The following EMILIN2 variants were observed in gnomAD, a reference collection of about 807,000 sequenced individuals.
The protein encoded by EMILIN2 is elastin microfibril interfacer 2.
In EMILIN2, 71 loss-of-function variants were observed where a neutral mutation model predicts 87.1. The ratio of observed to expected loss-of-function variants is 0.82; its 90% CI spans 0.67 to 0.99. EMILIN2 has a LOEUF of 0.99. Among genes scored for constraint, EMILIN2 ranks in the 50% least tolerant of loss-of-function variants. EMILIN2 has a pLI of 0.00. For missense variants in EMILIN2, 1,407 were observed against 1,371.8 expected (o/e 1.03, Z -0.40); for synonymous variants, 581 against 563.4 (o/e 1.03, Z -0.44).
At chr18:2,908,861 G>C in intron 5 of EMILIN2, 82 bp from the exon 6 acceptor site, 1 of 1,531,194 alleles carries the variant, frequency 6.5e-7, no homozygotes, top group Non-Finnish European at 9.1e-7. Context: ...AACTTGTGAG[G>C]AGCAGAGGAA....
intron 2 of EMILIN2, among the ~76,000 whole-genome samples, chr18:2,874,077 T>TGGCCAAC (rs2076735659): frequency 6.6e-6 from 1 of 151,682 alleles, no homozygotes; most frequent in African/African-American, 2.4e-5. Context: ...TAAAAGTCCG[T>TGGCCAAC]TGGCCACCCT....
intron 2 of EMILIN2, among the ~76,000 whole-genome samples, chr18:2,871,768 G>A (rs10502308): frequency 0.069 from 10,424 of 152,160 alleles, 1,189 homozygotes; most frequent in African/African-American, 0.24. Flanking sequence ...CCTGATTGTC[G>A]GAAATTAACT....
chr18:2,854,573 G>T (rs971546594), intron 2 of EMILIN2, among the ~76,000 whole-genome samples: 1 of 152,100 alleles, frequency 6.6e-6, no homozygotes, highest in Non-Finnish European at 1.5e-5. Context: ...CAAGAGGATC[G>T]CTTGAACCCA....
At chr18:2,883,585 G>A (rs973356398) in intron 2 of EMILIN2, among the ~76,000 whole-genome samples, 8 of 152,230 alleles carry the variant, frequency 5.3e-5, no homozygotes, top group African/African-American at 1.9e-4. Flanking sequence ...AGCAGGGGCC[G>A]CTGCGGGGGC....
rs529617719 is a variant in EMILIN2, at chr18:2,895,992, A to G, written c.2359+3506A>G. Among the ~76,000 whole-genome samples, 18 of 152,324 alleles carry G rather than the reference A, an allele frequency of 1.2e-4. No homozygotes were observed. In the East Asian group the frequency reaches 2.7e-3, roughly 23 times the overall value. On this transcript the variant is annotated intron_variant, in intron 4 of 7. Transcript: ENST00000254528. ...CTACTCAGCCTGTTGCCCTCTTCAC[A>G]GATCCTGTTTCCTTTGGAAGCATCA...
At chr18:2,875,308 C>T (rs937125845) in intron 2 of EMILIN2, among the ~76,000 whole-genome samples, 6 of 152,192 alleles carry the variant, frequency 3.9e-5, no homozygotes, top group Admixed American at 1.3e-4. Context: ...GAGCACCACG[C>T]TCATGGCTCA....
rs1270765729 is a variant in EMILIN2, at chr18:2,848,608, A to G, written c.257+677A>G. Among the ~76,000 whole-genome samples the G allele has an allele frequency of 6.6e-6, 1 of 151,570 alleles. No homozygotes were observed. The highest frequency in any genetic ancestry group is 2.4e-5 in the African/African-American group (1 of 41,104). On this transcript the variant is annotated intron_variant, in intron 2 of 7. Coordinates refer to ENST00000254528, the MANE Select transcript of EMILIN2 (RefSeq NM_032048.3). This position sits in a 1 kb window ranked among gnomAD's most constrained non-coding sequence, Gnocchi z 4.1. ...TTCCCCATCTTAAAAAAAAAAAAAA[A>G]CAGGAAGCAATGCAATAAAGTACAA...
Position 2,890,622 on chromosome 18 carries a change from A to G in EMILIN2, c.495A>G (p.Gln165=). ...CTTTGTCCCCAACTGGTACAGCACA[A>G]CCAAGCTGGGGGGTAGATCCAAAAG... is the stretch of plus-strand genomic sequence containing the variant. ...RKTLSPTGTA[Q]PSWGVDPKEG... The change falls in exon 4 of 8, where the codon CAA becomes CAG. Residue 165 remains glutamine, a synonymous_variant. Coordinates refer to ENST00000254528, the MANE Select transcript of EMILIN2 (RefSeq NM_032048.3). This position sits in a 1 kb window ranked among gnomAD's most constrained non-coding sequence, Gnocchi z 4.7. The G allele has an allele frequency of 1.2e-6, 2 of 1,613,182 alleles. No individual in the cohort carries two copies. The highest frequency in any genetic ancestry group is 2.2e-5 in the South Asian group (2 of 91,052).
intron 4 of EMILIN2, among the ~76,000 whole-genome samples, chr18:2,893,323 TATC>T (rs1198159572): frequency 1.3e-5 from 2 of 152,132 alleles, no homozygotes; most frequent in Admixed American, 6.5e-5. Context: ...TCTGTGTCGT[TATC>T]ATCTTCAGGG....
At chr18:2,857,311 T>G (rs961293895) in intron 2 of EMILIN2, among the ~76,000 whole-genome samples, 5 of 152,086 alleles carry the variant, frequency 3.3e-5, no homozygotes. Flanking sequence ...CCTTTGTGAT[T>G]GCACAGGTTC....
rs760366311 is a variant in EMILIN2 at position 2,913,166 on chromosome 18, C to G, written c.2924C>G (p.Ala975Gly). The G allele has an allele frequency of 2.5e-6, 4 of 1,613,910 alleles. No individual in the cohort carries two copies. The highest frequency in any genetic ancestry group is 3.4e-6 in the Non-Finnish European group (4 of 1,180,024). The stretch of plus-strand genomic sequence containing the variant: ...GAAGCAGTGCTGTCGGTCTCCAACG[C>G]CAGCGTGGCCCAGCTGCATACCGCT... ...YVEAVLSVSN[A>G]SVAQLHTAGY... The change falls in exon 8 of 8, where the codon GCC becomes GGC. Residue 975 changes from alanine to glycine, a missense_variant. Ala to Gly is a moderately conservative substitution (Grantham distance 60, BLOSUM62 0). Transcript: ENST00000254528.
In EMILIN2 at chr18:2,874,539, G is replaced by A. The variant is rs536564142; in HGVS notation, c.258-10425G>A. On this transcript the variant is annotated intron_variant, in intron 2 of 7. Transcript: ENST00000254528. ...ATCCCTCCAGGCCTGGAGGTGGGTT[G>A]GGCTCTGGCACTTTTTTCCAGAAAC... Among the ~76,000 whole-genome samples the A allele has an allele frequency of 1.3e-5, 2 of 152,226 alleles. 1 individual carries two copies. Among genetic ancestry groups the A allele is most frequent in the South Asian group, 4.2e-4 (2 of 4,818 alleles).
intron 2 of EMILIN2, among the ~76,000 whole-genome samples, chr18:2,859,111 G>A (rs1233029771): frequency 6.6e-6 from 1 of 152,152 alleles, no homozygotes; most frequent in Non-Finnish European, 1.5e-5. Flanking sequence ...TCAAATGGTA[G>A]TTCTACTTTT....
intron 2 of EMILIN2, among the ~76,000 whole-genome samples, chr18:2,879,398 C>T (rs1271877166): frequency 6.6e-6 from 1 of 152,202 alleles, no homozygotes; most frequent in Non-Finnish European, 1.5e-5. Context: ...GTAGCTCATG[C>T]TTGTAATCCC....
rs2076948394 is a variant in EMILIN2, at chr18:2,912,991, C to G, written c.2825-76C>G. On this transcript the variant is annotated intron_variant, in intron 7 of 7. Transcript: ENST00000254528. ...TGGTCTCCCAGGCCCAGGTTAATCA[C>G]TGGGGGGCCACTTACTACCATGGCA... is the stretch of plus-strand genomic sequence containing the variant. The G allele has an allele frequency of 6.0e-6, 9 of 1,495,770 alleles. No individual in the cohort carries two copies. The South Asian group carries it at 8.1e-5, about 13-fold the overall frequency. 92.7% of individuals were successfully genotyped at this position (1,495,770 alleles called of 1,614,324 possible). A position where few individuals can be genotyped will look rare whatever the true frequency, so the allele number is the denominator to read the frequency against.
intron 2 of EMILIN2, among the ~76,000 whole-genome samples, chr18:2,877,172 T>C (rs534024211): frequency 8.1e-4 from 124 of 152,322 alleles, no homozygotes; most frequent in African/African-American, 2.9e-3. Context: ...CATGCAGAGA[T>C]TGGCTTTATA....
At chr18:2,897,603 T>A (rs1168244892) in intron 4 of EMILIN2, among the ~76,000 whole-genome samples, 1 of 152,180 alleles carries the variant, frequency 6.6e-6, no homozygotes, top group Non-Finnish European at 1.5e-5. Flanking sequence ...CGGTGGCTCA[T>A]GCCTGTAATC....
intron 4 of EMILIN2, among the ~76,000 whole-genome samples, chr18:2,892,923 G>A (rs1002529103): frequency 7.3e-5 from 11 of 150,736 alleles, no homozygotes; most frequent in African/African-American, 2.2e-4. Context: ...GTGGTGGCAC[G>A]CGCCTGTAGT....
At chr18:2,858,559 A>ATGTGTGTGTG (rs2076641616) in intron 2 of EMILIN2, among the ~76,000 whole-genome samples, 1 of 67,160 alleles carries the variant, frequency 1.5e-5, no homozygotes, top group African/African-American at 1.2e-4. Context: ...ATATATATAT[A>ATGTGTGTGTG]TATATATATA....
Sources: allele counts gnomAD v4.1 joint callset (sites outside exome capture counted in the v4.1 genomes callset), GRCh38; gene constraint gnomAD v4.1.1; non-coding constraint Gnocchi (gnomAD v3.1); transcripts MANE v1.5; gene names NCBI Gene and HGNC (gene_info 2026-07-23, HGNC 2026-07-21).